The following MR1 variants were observed in gnomAD, a reference collection of about 807,000 sequenced individuals.
MR1 encodes the protein major histocompatibility complex class I-related protein 1.
Under a neutral mutation model 37.8 loss-of-function variants are expected in MR1, and 44 were observed. That is an observed-to-expected ratio of 1.16 (90% CI 0.91 to 1.50). The LOEUF (loss-of-function observed/expected upper bound fraction) is 1.50, where lower values mean the gene tolerates loss of function less well. MR1 is among the 40% of genes most tolerant of loss of function. The pLI is 0.00. For synonymous variants in MR1, 153 were observed against 155.8 expected, an observed-to-expected ratio of 0.98 and a Z score of 0.13; for missense variants, 386 against 419.1, an observed-to-expected ratio of 0.92 and a Z score of 0.69.
Position 181,058,865 on chromosome 1 carries a change from A to G in MR1, c.*3600A>G, listed in dbSNP as rs539463315. The G allele has an allele frequency of 6.6e-6, 1 of 152,366 alleles. No individual in the cohort carries two copies. Among genetic ancestry groups the G allele is most frequent in the African/African-American group, 2.4e-5 (1 of 41,592 alleles). 9.4% of individuals were successfully genotyped at this position (152,366 alleles called of 1,614,324 possible). On this transcript the variant is annotated 3_prime_UTR_variant, in exon 6 of 6. Coordinates refer to ENST00000367580, the MANE Select transcript of MR1 (RefSeq NM_001385161.1). ...AACACAATTGCTAAGTGGGTCAGAT[A>G]TCTGTCTCAGCTGGTCAGTACACCT...
Position 181,034,088 on chromosome 1 carries a change from GTCC to G in MR1, c.67+17_67+19del, listed in dbSNP as rs1558109476. ...ACAGCGATTCCCGTGAGTATCCCAC[GTCC>G]TCTTCTCTCCTAACTCCAAAGTCGA... On this transcript the variant is annotated intron_variant, in intron 1 of 5. Coordinates refer to ENST00000367580, the MANE Select transcript of MR1 (RefSeq NM_001385161.1). The G allele has an allele frequency of 1.2e-6, 2 of 1,609,636 alleles. No individual in the cohort carries two copies. Among genetic ancestry groups the G allele is most frequent in the East Asian group, 4.5e-5 (2 of 44,776 alleles).
intron 1 of MR1, among the ~76,000 whole-genome samples, chr1:181,048,816 A>G (rs1199706734): frequency 6.6e-6 from 1 of 152,160 alleles, no homozygotes; most frequent in African/African-American, 2.4e-5. Context: ...ATAAAATTCC[A>G]TCCTGCATTT....
intron 4 of MR1, among the ~76,000 whole-genome samples, chr1:181,052,870 C>A (rs976790438): frequency 2.0e-5 from 3 of 152,028 alleles, no homozygotes; most frequent in Non-Finnish European, 2.9e-5. Context: ...AGTTCGAGAC[C>A]AGCCTGGCCA....
chr1:181,038,704 G>GT (rs1162111232), intron 1 of MR1, among the ~76,000 whole-genome samples: 1 of 152,248 alleles, frequency 6.6e-6, no homozygotes, highest in African/African-American at 2.4e-5. Flanking sequence ...TAGTCTCAAG[G>GT]TAGAGGGACT....
chr1:181,049,741 C>A (rs1378333138), intron 2 of MR1: 2 of 521,160 alleles, frequency 3.8e-6, no homozygotes, highest in Admixed American at 6.6e-5. Context: ...AGAATAGCCA[C>A]AAAGTTTATC....
rs67701914 is a variant in MR1, at chr1:181,060,129, CCCT to C, written c.*4868_*4870del. Reference sequence around the variant, plus strand: ...CTGGGAAAGGATCTGTTCCAGGCTTCCCTCCTATCTTCTGGTTGTTCCTTGCCT... The same window carrying C: ...CTGGGAAAGGATCTGTTCCAGGCTTCCCTATCTTCTGGTTGTTCCTTGCCT... On this transcript the variant is annotated 3_prime_UTR_variant, in exon 6 of 6. Transcript: ENST00000367580. The C allele has an allele frequency of 0.29, 43,432 of 151,848 alleles. 7,490 individuals carry two copies. The highest frequency in any genetic ancestry group is 0.53 in the South Asian group (2,553 of 4,808). The allele number at this position is 151,848 out of a possible 1,614,324, so 9.4% of individuals were successfully genotyped here.
intron 4 of MR1, 45 bp downstream of exon 4, chr1:181,052,555 A>C (rs763601534): frequency 5.3e-5 from 84 of 1,585,638 alleles, no homozygotes; most frequent in Non-Finnish European, 7.1e-5. Flanking sequence ...GCCTGGAGAA[A>C]GGGGTGAGCA....
At chr1:181,043,024 G>A (rs1182580641) in intron 1 of MR1, among the ~76,000 whole-genome samples, 3 of 152,220 alleles carry the variant, frequency 2.0e-5, no homozygotes. Context: ...CAGGTAGAAG[G>A]TAGTAAGCAG....
intron 1 of MR1, among the ~76,000 whole-genome samples, chr1:181,043,960 TC>T (rs769978078): frequency 2.3e-5 from 3 of 133,290 alleles, no homozygotes; most frequent in East Asian, 4.3e-4. Flanking sequence ...TTTTGTCTGA[TC>T]TTTTTTTTTT....
chr1:181,034,168 A>G (rs923320065), intron 1 of MR1, 94 bp downstream of exon 1: 1 of 1,249,090 alleles, frequency 8.0e-7, no homozygotes, highest in Non-Finnish European at 1.1e-6. Context: ...TGAAAAATAT[A>G]GAAGCCAGGG....
At chr1:181,051,579 A>G (rs753352538) in intron 3 of MR1, among the ~76,000 whole-genome samples, 3 of 152,174 alleles carry the variant, frequency 2.0e-5, no homozygotes, top group African/African-American at 4.8e-5. Context: ...TTTCAGCAAG[A>G]AACATTAAGG....
At position 181,052,374 on chromosome 1, in the gene MR1, T is replaced by C; in HGVS notation, c.744T>C (p.Asp248=). The C allele has an allele frequency of 6.2e-7, 1 of 1,614,154 alleles. No individual in the cohort carries two copies. Among genetic ancestry groups the C allele is most frequent in the Non-Finnish European group, 8.5e-7 (1 of 1,180,024 alleles). The change falls in exon 4 of 6, where the codon GAT becomes GAC. Residue 248 remains aspartate, a synonymous_variant. Coordinates refer to ENST00000367580, the MANE Select transcript of MR1 (RefSeq NM_001385161.1). ...KNGEEIVQEI[D]YGDILPSGDG... ...GGGAAGAAATTGTCCAAGAAATTGA[T>C]TATGGAGACATTCTTCCCAGTGGGG... is the stretch of plus-strand genomic sequence containing the variant.
intron 3 of MR1, 99 bp downstream of exon 3, chr1:181,050,385 C>T: frequency 5.3e-6 from 8 of 1,497,472 alleles, no homozygotes; most frequent in Non-Finnish European, 7.3e-6. Context: ...TCCTGAAAGC[C>T]ATCTCTTTAG....
At position 181,052,751 on chromosome 1, in the gene MR1, T is replaced by C. The variant is rs1571399719; in HGVS notation, c.880+241T>C. On this transcript the variant is annotated intron_variant, in intron 4 of 5. Coordinates refer to ENST00000367580, the MANE Select transcript of MR1 (RefSeq NM_001385161.1). ...GTGGGTTATATCTATTGCTATTTACTACATTACAAATTAAAAATTTAAAAA... is the reference window on the plus strand; with the variant it reads ...GTGGGTTATATCTATTGCTATTTACCACATTACAAATTAAAAATTTAAAAA... Among the ~76,000 whole-genome samples, 3 of 152,184 alleles carry C rather than the reference T, an allele frequency of 2.0e-5. No individual in the cohort carries two copies. The South Asian group carries it at 6.2e-4, about 31-fold the overall frequency.
intron 2 of MR1, 124 bp from the exon 3 acceptor site, chr1:181,049,887 G>A: frequency 8.7e-7 from 1 of 1,150,018 alleles, no homozygotes. Flanking sequence ...GCGATGCCAT[G>A]GCAGGCCTGG....
In MR1 at chr1:181,057,480, A is replaced by G. The variant is rs1172264268; in HGVS notation, c.*2215A>G. 6.6e-6 allele frequency: 1 copy of G among 152,214 alleles called. No individual in the cohort carries two copies. The highest frequency in any genetic ancestry group is 1.5e-5 in the Non-Finnish European group (1 of 68,048). 9.4% of individuals were successfully genotyped at this position (152,214 alleles called of 1,614,324 possible). On this transcript the variant is annotated 3_prime_UTR_variant, in exon 6 of 6. Transcript: ENST00000367580. Reference sequence around the variant, plus strand: ...CATAGACACAGGTGATAATGTATCTATGTAAATGCCTTTTGATTCTGCAAC... The same window carrying G: ...CATAGACACAGGTGATAATGTATCTGTGTAAATGCCTTTTGATTCTGCAAC...
upstream of MR1, among the ~76,000 whole-genome samples, chr1:181,033,666 G>A (rs1369996735): frequency 3.3e-5 from 5 of 152,128 alleles, no homozygotes; most frequent in East Asian, 9.6e-4. Context: ...AAGCTCCAGG[G>A]AAGCAGAGGC....
At chr1:181,036,535 G>T (rs552744012) in intron 1 of MR1, among the ~76,000 whole-genome samples, 17 of 152,276 alleles carry the variant, frequency 1.1e-4, no homozygotes, top group African/African-American at 3.9e-4. Context: ...AATAGATGGG[G>T]AAACACGGGG....
chr1:181,036,902 G>A (rs41268452), intron 1 of MR1: 11 of 152,284 alleles, frequency 7.2e-5, no homozygotes, highest in South Asian at 4.1e-4. Context: ...CAGTAATAAC[G>A]ACTGCAAATT....
Sources: gnomAD v4.1 joint callset for allele counts (sites outside exome capture counted in the v4.1 genomes callset) on GRCh38, gnomAD v4.1.1 for gene constraint, MANE v1.5 for transcripts, NCBI Gene and HGNC (gene_info 2026-07-23, HGNC 2026-07-21) for gene names.